The following GSK3B variants were observed in gnomAD, a reference collection of about 807,000 sequenced individuals.
GSK3B encodes the protein glycogen synthase kinase 3 beta.
A neutral mutation model predicts 56.4 loss-of-function variants in GSK3B; 15 were observed. The observed-to-expected ratio is 0.27, with a 90% CI of 0.18 to 0.41. GSK3B has a LOEUF of 0.41. Among genes scored for constraint, GSK3B ranks in the 10% least tolerant of loss-of-function variants. GSK3B has a pLI of 1.00. For missense variants in GSK3B, 300 were observed against 513.4 expected, an observed-to-expected ratio of 0.58 and a Z score of 4.02; for synonymous variants, 181 against 188.9, an observed-to-expected ratio of 0.96 and a Z score of 0.34.
intron 9 of GSK3B, among the ~76,000 whole-genome samples, chr3:119,855,633 G>A (rs2056009501): frequency 6.6e-6 from 1 of 152,166 alleles, no homozygotes; most frequent in Non-Finnish European, 1.5e-5. Context: ...TATACACGAT[G>A]GAATACTATG....
chr3:119,880,875 T>C (rs190696120), intron 7 of GSK3B, among the ~76,000 whole-genome samples: 10 of 152,222 alleles, frequency 6.6e-5, no homozygotes, highest in South Asian at 2.1e-4. Context: ...TGCAACTCTA[T>C]TGGATTCTTT....
At chr3:120,019,160 T>C (rs1051410891) in intron 1 of GSK3B, among the ~76,000 whole-genome samples, 1 of 152,126 alleles carries the variant, frequency 6.6e-6, no homozygotes, top group Non-Finnish European at 1.5e-5. Flanking sequence ...ATTCAAAAAA[T>C]ATATTTTCTT....
chr3:119,931,367 G>A (rs898785425), intron 3 of GSK3B, among the ~76,000 whole-genome samples: 10 of 152,230 alleles, frequency 6.6e-5, no homozygotes, highest in Admixed American at 6.5e-4. Context: ...AGCAGTCCCA[G>A]CACCTTGGGA....
intron 10 of GSK3B, among the ~76,000 whole-genome samples, chr3:119,836,280 G>C (rs1467049899): frequency 6.6e-6 from 1 of 152,140 alleles, no homozygotes; most frequent in African/African-American, 2.4e-5. Flanking sequence ...GTAACAGTAA[G>C]AGCTTTTCAA....
intron 1 of GSK3B, among the ~76,000 whole-genome samples, chr3:120,053,060 G>A (rs1042357059): frequency 2.6e-5 from 4 of 152,162 alleles, no homozygotes; most frequent in African/African-American, 4.8e-5. Context: ...ACTATAGGCC[G>A]GGCATGGTGC....
In GSK3B at chr3:119,822,853, A is replaced by T. The variant is rs1010408076; in HGVS notation, c.*3935T>A. 8.8e-6 allele frequency: 2 copies of T among 228,296 alleles called. No homozygotes were observed. Among genetic ancestry groups the T allele is most frequent in the Non-Finnish European group, 1.7e-5 (2 of 114,926 alleles). 14.1% of individuals were successfully genotyped at this position (228,296 alleles called of 1,614,324 possible). A position where few individuals can be genotyped will look rare whatever the true frequency, so the allele number is the denominator to read the frequency against. On this transcript the variant is annotated 3_prime_UTR_variant, in exon 11 of 11. Coordinates refer to ENST00000264235, the MANE Select transcript of GSK3B (RefSeq NM_001146156.2). ...ATTCCTGGGGATCTGGCATTGGCCA[A>T]ACTTCCTTTGGAAGATTCCAAAGTT... is the stretch of plus-strand genomic sequence containing the variant.
intron 9 of GSK3B, among the ~76,000 whole-genome samples, chr3:119,857,896 T>G (rs1042765688): frequency 6.6e-6 from 1 of 152,228 alleles, no homozygotes; most frequent in Admixed American, 6.5e-5. Context: ...TCAGTAGGCA[T>G]GAAAACAACA....
intron 10 of GSK3B, among the ~76,000 whole-genome samples, chr3:119,835,209 G>A (rs1489790270): frequency 6.6e-6 from 1 of 152,216 alleles, no homozygotes; most frequent in Non-Finnish European, 1.5e-5. Flanking sequence ...ATGGGGCAAT[G>A]GGGAAATAGA....
intron 1 of GSK3B, among the ~76,000 whole-genome samples, chr3:120,034,492 C>G (rs571885166): frequency 5.3e-5 from 8 of 152,206 alleles, no homozygotes; most frequent in African/African-American, 1.9e-4. Flanking sequence ...AATTATTTCA[C>G]CATTTAATTA....
intron 1 of GSK3B, among the ~76,000 whole-genome samples, chr3:120,023,899 AC>A (rs1249378257): frequency 6.6e-6 from 1 of 152,232 alleles, no homozygotes; most frequent in Admixed American, 6.5e-5. Context: ...CCCATTATTT[AC>A]AAATGAGCTT....
chr3:119,963,070 A>C (rs2057287649), intron 2 of GSK3B, among the ~76,000 whole-genome samples: 1 of 152,172 alleles, frequency 6.6e-6, no homozygotes, highest in Non-Finnish European at 1.5e-5. Context: ...AACTATCCAA[A>C]AAAAAGTTTA....
At chr3:119,964,239 A>G (rs1386957530) in intron 2 of GSK3B, among the ~76,000 whole-genome samples, 1 of 152,230 alleles carries the variant, frequency 6.6e-6, no homozygotes, top group African/African-American at 2.4e-5. Flanking sequence ...GGCATATGCA[A>G]AAAGACCATA....
intron 1 of GSK3B, among the ~76,000 whole-genome samples, chr3:120,070,692 G>T (rs1005875900): frequency 3.9e-5 from 6 of 152,190 alleles, no homozygotes; most frequent in Admixed American, 6.5e-5. Flanking sequence ...TGGAACCTGT[G>T]TTGAATAGTC....
At position 120,074,453 on chromosome 3, in the gene GSK3B, G is replaced by A. The variant is rs572632811; in HGVS notation, c.88+18894C>T. 2.0e-5 allele frequency among the ~76,000 whole-genome samples: 3 copies of A among 150,918 alleles called. No individual in the cohort carries two copies. In the East Asian group the frequency reaches 5.9e-4, roughly 30 times the overall value. The stretch of plus-strand genomic sequence containing the variant: ...TGCAACTTCCACCTCCCGGGTTCAA[G>A]CGATTCTCCTGCCTCAGCCTCCTGA... On this transcript the variant is annotated intron_variant, in intron 1 of 10. Coordinates refer to ENST00000264235, the MANE Select transcript of GSK3B (RefSeq NM_001146156.2).
chr3:119,997,382 A>T (rs2057629572), intron 2 of GSK3B, among the ~76,000 whole-genome samples: 1 of 152,124 alleles, frequency 6.6e-6, no homozygotes. Flanking sequence ...ATGGAGGAAG[A>T]CTCCCATTCC....
chr3:119,924,710 CCTCT>C (rs759791272), intron 3 of GSK3B, among the ~76,000 whole-genome samples: 1 of 152,182 alleles, frequency 6.6e-6, no homozygotes, highest in East Asian at 1.9e-4. Flanking sequence ...CCATCATTAT[CCTCT>C]CTAACACGAG....
intron 8 of GSK3B, chr3:119,866,576 A>C: frequency 1.9e-6 from 3 of 1,586,642 alleles, no homozygotes; most frequent in Non-Finnish European, 1.7e-6. Context: ...GGGAAAAAAA[A>C]ATTAAGTACA....
intron 10 of GSK3B, among the ~76,000 whole-genome samples, chr3:119,840,338 C>T (rs2055754206): frequency 6.6e-6 from 1 of 151,886 alleles, no homozygotes; most frequent in South Asian, 2.1e-4. Context: ...AATTCTCTTG[C>T]CTTAACCTCC....
intron 1 of GSK3B, among the ~76,000 whole-genome samples, chr3:120,064,705 A>T (rs2058265379): frequency 6.6e-6 from 1 of 152,206 alleles, no homozygotes; most frequent in Admixed American, 6.6e-5. Flanking sequence ...TACCTAAAGC[A>T]ATCTTGAAAA....
Sources: allele counts gnomAD v4.1 joint callset (sites outside exome capture counted in the v4.1 genomes callset), GRCh38; gene constraint gnomAD v4.1.1; transcripts MANE v1.5; gene names NCBI Gene and HGNC (gene_info 2026-07-23, HGNC 2026-07-21).